The following PREX1 variants were observed in gnomAD, a reference collection of about 807,000 sequenced individuals.
The protein encoded by PREX1 is phosphatidylinositol 3,4,5-trisphosphate-dependent Rac exchanger 1 protein.
A neutral mutation model predicts 198.3 loss-of-function variants in PREX1; 41 were observed. The observed-to-expected ratio is 0.21, with a 90% CI of 0.16 to 0.27. The LOEUF (loss-of-function observed/expected upper bound fraction) is 0.27, where lower values mean the gene tolerates loss of function less well. Among genes scored for constraint, PREX1 ranks in the 10% least tolerant of loss-of-function variants. The pLI, the probability that PREX1 is intolerant of heterozygous loss-of-function variation, is 1.00. For missense variants in PREX1, 1,620 were observed against 2,200.7 expected (o/e 0.74, Z 5.28); for synonymous variants, 843 against 887.2 (o/e 0.95, Z 0.89).
intron 1 of PREX1, among the ~76,000 whole-genome samples, chr20:48,813,420 G>C (rs2090445128): frequency 6.6e-6 from 1 of 152,314 alleles, no homozygotes; most frequent in South Asian, 2.1e-4. Context: ...GGTGGGGATG[G>C]GCGAGGAGAT....
chr20:48,678,873 G>A (rs1443460991), intron 13 of PREX1, among the ~76,000 whole-genome samples: 1 of 152,180 alleles, frequency 6.6e-6, no homozygotes, highest in African/African-American at 2.4e-5. Flanking sequence ...CTAATACAGA[G>A]GACAGAAAGT....
chr20:48,753,826 T>A (rs2090144935), intron 1 of PREX1, among the ~76,000 whole-genome samples: 1 of 152,204 alleles, frequency 6.6e-6, no homozygotes, highest in Non-Finnish European at 1.5e-5. Context: ...AGGCCACCCC[T>A]GGACCCATAT....
At chr20:48,820,076 G>T (rs571824938) in intron 1 of PREX1, among the ~76,000 whole-genome samples, 2 of 152,220 alleles carry the variant, frequency 1.3e-5, no homozygotes, top group Non-Finnish European at 2.9e-5. Flanking sequence ...TCAAGGGATC[G>T]TCTGTCAGTT....
intron 1 of PREX1, among the ~76,000 whole-genome samples, chr20:48,798,733 G>A (rs1354155270): frequency 2.0e-5 from 3 of 152,216 alleles, no homozygotes; most frequent in East Asian, 1.9e-4. Flanking sequence ...CACACGTGGA[G>A]GAGCTTTGGC....
At chr20:48,732,573 G>T (rs1231770971) in intron 4 of PREX1, among the ~76,000 whole-genome samples, 1 of 152,216 alleles carries the variant, frequency 6.6e-6, no homozygotes, top group African/African-American at 2.4e-5. Context: ...CCCAGGATAA[G>T]CTCAACCACT....
At position 48,666,091 on chromosome 20, in the gene PREX1, C is replaced by T. The variant is rs750694223; in HGVS notation, c.1738+192G>A. On this transcript the variant is annotated intron_variant, in intron 15 of 39. Transcript: ENST00000371941. The surrounding 1 kb of genome is among the most constrained non-coding windows in gnomAD (Gnocchi z 4.3). ...CATGTCCTTCCAGCCATTTTGGTCC[C>T]CAGTGGACACCAGAAGCCATTTCTC... Among the ~76,000 whole-genome samples the T allele has an allele frequency of 3.9e-5, 6 of 152,182 alleles. No individual in the cohort carries two copies. The highest frequency in any genetic ancestry group is 8.8e-5 in the Non-Finnish European group (6 of 68,034).
At chr20:48,637,783 C>CG in intron 30 of PREX1, 31 bp from the exon 31 acceptor site, 1 of 1,412,510 alleles carries the variant, frequency 7.1e-7, no homozygotes, top group Non-Finnish European at 9.9e-7. Context: ...GAAAGGGGGA[C>CG]GGGCTGGGAG....
intron 1 of PREX1, among the ~76,000 whole-genome samples, chr20:48,811,796 G>A (rs2090437944): frequency 6.6e-6 from 1 of 152,080 alleles, no homozygotes; most frequent in Non-Finnish European, 1.5e-5. Flanking sequence ...TAGAGACAAG[G>A]GAATCCCCTA....
chr20:48,847,584 T>C, the PREX1 span, among the ~76,000 whole-genome samples: 1 of 152,180 alleles, frequency 6.6e-6, no homozygotes, highest in Non-Finnish European at 1.5e-5. Context: ...CATATAGAGA[T>C]AAAACACTCT....
At position 48,827,520 on chromosome 20, in the gene PREX1, C is replaced by A; in HGVS notation, c.219+122G>T. 1.4e-6 allele frequency: 1 copy of A among 733,860 alleles called. No homozygotes were observed. The highest frequency in any genetic ancestry group is 1.8e-6 in the Non-Finnish European group (1 of 541,510). The allele number at this position is 733,860 out of a possible 1,614,324, so 45.5% of individuals were successfully genotyped here. ...TCGGATCCCCCCCGCTTTCCGCGCG[C>A]CCTGCGGGGCGCCCCCGAGGCAATT... On this transcript the variant is annotated intron_variant, in intron 1 of 39. Transcript: ENST00000371941. This position sits in a 1 kb window ranked among gnomAD's most constrained non-coding sequence, Gnocchi z 4.1.
chr20:48,630,902 T>A (rs766069992), intron 35 of PREX1, 108 bp from the exon 36 acceptor site: 1 of 814,148 alleles, frequency 1.2e-6, no homozygotes. Flanking sequence ...CTCTGCCGAC[T>A]CTCAGAATGA....
intron 10 of PREX1, among the ~76,000 whole-genome samples, chr20:48,682,627 T>A (rs1049842490): frequency 6.6e-6 from 1 of 152,194 alleles, no homozygotes; most frequent in African/African-American, 2.4e-5. Flanking sequence ...GAGACAGAAG[T>A]GCTCCCAGGC....
At chr20:48,716,530 G>T (rs542680914) in intron 5 of PREX1, among the ~76,000 whole-genome samples, 3 of 152,228 alleles carry the variant, frequency 2.0e-5, no homozygotes, top group Non-Finnish European at 4.4e-5. Flanking sequence ...CCAAGGCCCA[G>T]GAGAGGACTG....
chr20:48,857,850 A>G, the PREX1 span, among the ~76,000 whole-genome samples: 3 of 152,348 alleles, frequency 2.0e-5, no homozygotes, highest in Admixed American at 1.3e-4. Context: ...GAGTTTGCAT[A>G]TGAGCTGGTC....
At chr20:48,764,072 C>G (rs2090196934) in intron 1 of PREX1, among the ~76,000 whole-genome samples, 1 of 152,208 alleles carries the variant, frequency 6.6e-6, no homozygotes, top group South Asian at 2.1e-4. Flanking sequence ...CACTCTAACC[C>G]TCTCTTGCGA....
At chr20:48,847,539 A>G in the PREX1 span, among the ~76,000 whole-genome samples, 1 of 152,208 alleles carries the variant, frequency 6.6e-6, no homozygotes, top group Admixed American at 6.5e-5. Flanking sequence ...CCAGAGCAGC[A>G]TATAGAAGAA....
intron 6 of PREX1, among the ~76,000 whole-genome samples, chr20:48,706,906 G>T (rs1401634158): frequency 1.3e-5 from 2 of 152,176 alleles, no homozygotes; most frequent in African/African-American, 2.4e-5. Context: ...CCCACCAGGG[G>T]AGCCACTGCC....
chr20:48,700,895 G>T lies in PREX1; in HGVS notation c.784-9C>A, dbSNP rs371246264. ...TCTGTGAGGTTGGAACCCTGGAAGC[G>T]CAATGAGGACACAGTGAATGAGCCA... is the stretch of plus-strand genomic sequence containing the variant. On this transcript the variant is annotated splice_polypyrimidine_tract_variant and intron_variant, in intron 6 of 39. Transcript: ENST00000371941. The T allele has an allele frequency of 6.2e-7, 1 of 1,614,026 alleles. No individual in the cohort carries two copies. The highest frequency in any genetic ancestry group is 1.7e-5 in the Admixed American group (1 of 60,022).
chr20:48,759,697 T>C (rs2090170829), intron 1 of PREX1, among the ~76,000 whole-genome samples: 1 of 152,068 alleles, frequency 6.6e-6, no homozygotes, highest in Non-Finnish European at 1.5e-5. Context: ...TCCTCCTCTA[T>C]AACGGGGGAT....
Sources: allele counts gnomAD v4.1 joint callset (sites outside exome capture counted in the v4.1 genomes callset), GRCh38; gene constraint gnomAD v4.1.1; non-coding constraint Gnocchi (gnomAD v3.1); transcripts MANE v1.5; gene names NCBI Gene and HGNC (gene_info 2026-07-23, HGNC 2026-07-21).